LONRF3: variants seen among roughly 807,000 people sequenced by gnomAD.
LONRF3 encodes LON peptidase N-terminal domain and RING finger protein 3.
Under a neutral mutation model 51.7 loss-of-function variants are expected in LONRF3, and 19 were observed. The observed-to-expected ratio is 0.37, with a 90% confidence interval of 0.26 to 0.54. The LOEUF is 0.54. Ranked by LOEUF, LONRF3 falls within the 20% of genes least tolerant of loss-of-function variation. The pLI is 0.86. For synonymous variants in LONRF3, 265 were observed against 257.8 expected, an observed-to-expected ratio of 1.03 and a Z score of -0.27; for missense variants, 521 against 623.9, an observed-to-expected ratio of 0.84 and a Z score of 1.76.
intron 3 of LONRF3, among the ~76,000 whole-genome samples, chrX:118,986,241 A>G (rs774468503): frequency 1.2e-4 from 13 of 111,804 alleles, no homozygotes; most frequent in Non-Finnish European, 1.9e-5. Flanking sequence ...CCTTGCGCCT[A>G]GTACTTAAAC....
At chrX:119,011,040 G>A (rs777246047) in intron 7 of LONRF3, among the ~76,000 whole-genome samples, 23 of 108,492 alleles carry the variant, frequency 2.1e-4, no homozygotes, top group Non-Finnish European at 4.2e-4. Context: ...CTTGAACCCG[G>A]GAGGCGGAGG....
chrX:119,009,343 A>C, intron 7 of LONRF3, 96 bp downstream of exon 7: 1 of 892,728 alleles, frequency 1.1e-6, no homozygotes. Context: ...TAGTGATGTC[A>C]TGCTAGCTGC....
Position 118,982,870 on chromosome X carries a change from A to G in LONRF3, c.986A>G (p.Glu329Gly). 7 of 1,210,531 alleles carry G rather than the reference A, an allele frequency of 5.8e-6. No individual in the cohort carries two copies. In the South Asian group the frequency reaches 1.2e-4, roughly 21 times the overall value. Residue 329 changes from glutamate (E) to glycine (G), a missense_variant, in exon 3 of 11, where the codon GAG becomes GGG. Physicochemically the swap from Glu to Gly is moderately conservative, Grantham distance 98. This residue lies in a region of LONRF3 where 376 missense variants were observed against 376.7 expected (regional missense o/e 1.00). Transcript: ENST00000371628. Reference sequence around the variant, plus strand: ...TTAGCCACCCTAGGCAAGGTGGAGGAGGCACTAAGGGAGTTTCTCTACTGT... The same window carrying G: ...TTAGCCACCCTAGGCAAGGTGGAGGGGGCACTAAGGGAGTTTCTCTACTGT... ...QALATLGKVE[E>G]ALREFLYCVS...
intron 5 of LONRF3, 31 bp from the exon 6 acceptor site, chrX:119,006,090 G>A (rs769811988): frequency 1.1e-6 from 1 of 951,602 alleles, no homozygotes; most frequent in South Asian, 2.3e-5. Flanking sequence ...TCTTATTGCA[G>A]TTTTCTTCCA....
chrX:119,012,265 C>CT (rs913201424), intron 8 of LONRF3, among the ~76,000 whole-genome samples: 12 of 108,450 alleles, frequency 1.1e-4, no homozygotes, highest in African/African-American at 4.0e-4. Context: ...TAGTTGCAGC[C>CT]TTGGAGCAAG....
At chrX:118,999,614 G>A (rs757067062) in intron 5 of LONRF3, among the ~76,000 whole-genome samples, 1 of 111,958 alleles carries the variant, frequency 8.9e-6, no homozygotes, top group Non-Finnish European at 1.9e-5. Flanking sequence ...TGAGGTGTAA[G>A]TTCTTTTGTT....
At chrX:118,979,130 A>G (rs1169360328) in intron 2 of LONRF3, among the ~76,000 whole-genome samples, 25 of 105,313 alleles carry the variant, frequency 2.4e-4, no homozygotes, top group Non-Finnish European at 4.1e-4. Context: ...CCTCCTGAGT[A>G]GTTGGGACTA....
chrX:118,976,452 G>GCCAAC (rs1385628511), intron 1 of LONRF3: 2 of 113,115 alleles, frequency 1.8e-5, no homozygotes, highest in East Asian at 5.6e-4. Context: ...TGCCCGCCCC[G>GCCAAC]CCAACCCGTA....
intron 5 of LONRF3, among the ~76,000 whole-genome samples, chrX:119,003,573 G>C (rs995233054): frequency 8.9e-6 from 1 of 112,168 alleles, no homozygotes; most frequent in Non-Finnish European, 1.9e-5. Context: ...TGGGCTTTCT[G>C]TTCTGTTCCC....
intron 6 of LONRF3, among the ~76,000 whole-genome samples, chrX:119,007,253 C>A (rs1924800376): frequency 1.8e-5 from 2 of 112,050 alleles, no homozygotes; most frequent in South Asian, 7.5e-4. Flanking sequence ...TAGGTAAGCC[C>A]TGATGTTCCC....
intron 5 of LONRF3, among the ~76,000 whole-genome samples, chrX:118,998,585 C>T: frequency 8.9e-6 from 1 of 112,021 alleles, no homozygotes; most frequent in South Asian, 3.8e-4. Context: ...CAAATACCTC[C>T]TGTACCCCAA....
intron 5 of LONRF3, among the ~76,000 whole-genome samples, chrX:119,002,861 C>A (rs1358238980): frequency 9.1e-6 from 1 of 110,159 alleles, no homozygotes; most frequent in African/African-American, 3.3e-5. Flanking sequence ...TGCAGTGGTG[C>A]AATCTCGGCT....
intron 7 of LONRF3, among the ~76,000 whole-genome samples, chrX:119,009,651 G>A (rs1216014079): frequency 8.9e-6 from 1 of 112,171 alleles, no homozygotes; most frequent in Non-Finnish European, 1.9e-5. Context: ...CCGGGCTTAA[G>A]ACCCAGTTCT....
At chrX:118,977,927 C>T (rs1401450258) in intron 1 of LONRF3, among the ~76,000 whole-genome samples, 3 of 111,580 alleles carry the variant, frequency 2.7e-5, no homozygotes, top group East Asian at 5.6e-4. Context: ...TTGGATTTGT[C>T]TTCTTGGTGG....
intron 2 of LONRF3, among the ~76,000 whole-genome samples, chrX:118,980,880 G>A (rs886928648): frequency 7.2e-5 from 8 of 111,882 alleles, no homozygotes; most frequent in African/African-American, 2.6e-4. Flanking sequence ...TCCAGTGAAG[G>A]AAGAGTTGAT....
At chrX:118,978,308 G>A (rs772886995) in intron 1 of LONRF3, 37 bp from the exon 2 acceptor site, 15 of 930,967 alleles carry the variant, frequency 1.6e-5, no homozygotes, top group Non-Finnish European at 1.7e-5. Context: ...TTGCGCTGGG[G>A]GCCATTAATA....
intron 5 of LONRF3, among the ~76,000 whole-genome samples, chrX:119,002,787 C>G (rs756457731): frequency 2.1e-4 from 23 of 110,805 alleles, no homozygotes; most frequent in Non-Finnish European, 4.3e-4. Flanking sequence ...AAAAGCGCTT[C>G]TTCTTGTTTT....
intron 5 of LONRF3, among the ~76,000 whole-genome samples, chrX:119,004,982 C>T (rs1924606884): frequency 1.8e-5 from 2 of 112,358 alleles, no homozygotes. Flanking sequence ...CAAGTAACTT[C>T]AACCCCTGTG....
intron 5 of LONRF3, among the ~76,000 whole-genome samples, chrX:118,996,087 G>A (rs1923847772): frequency 8.9e-6 from 1 of 112,313 alleles, no homozygotes; most frequent in Non-Finnish European, 1.9e-5. Context: ...ATTTTGCTGA[G>A]AGTGTTAATC....
Sources: allele counts gnomAD v4.1 joint callset (sites outside exome capture counted in the v4.1 genomes callset), GRCh38; gene constraint gnomAD v4.1.1; regional missense constraint gnomAD v4.1.1; transcripts MANE v1.5; gene names NCBI Gene and HGNC (gene_info 2026-07-23, HGNC 2026-07-21).